The following PHACTR3 variants were observed in gnomAD, a reference collection of about 807,000 sequenced individuals.
PHACTR3 encodes protein phosphatase 1, regulatory subunit 123.
A neutral mutation model predicts 66.8 loss-of-function variants in PHACTR3; 16 were observed. The ratio of observed to expected loss-of-function variants is 0.24; its 90% CI spans 0.16 to 0.36. The LOEUF (loss-of-function observed/expected upper bound fraction) is 0.36. Among genes scored for constraint, PHACTR3 ranks in the 10% least tolerant of loss-of-function variants. The pLI, the probability that PHACTR3 is intolerant of heterozygous loss-of-function variation, is 1.00. For synonymous variants in PHACTR3, 323 were observed against 292.1 expected (o/e 1.11, Z -1.08); for missense variants, 647 against 719.9 (o/e 0.90, Z 1.16).
intron 3 of PHACTR3, among the ~76,000 whole-genome samples, chr20:59,750,481 G>A (rs1348225196): frequency 6.6e-6 from 1 of 152,184 alleles, no homozygotes; most frequent in Non-Finnish European, 1.5e-5. Context: ...CCAGCCCACA[G>A]GAGCAGCAAG....
chr20:59,740,319 T>A (rs2039108008), intron 1 of PHACTR3, among the ~76,000 whole-genome samples: 1 of 152,154 alleles, frequency 6.6e-6, no homozygotes, highest in East Asian at 1.9e-4. Context: ...ATTTTAATTT[T>A]TTTTTAGAGA....
intron 1 of PHACTR3, among the ~76,000 whole-genome samples, chr20:59,630,460 G>A (rs1254933150): frequency 6.6e-6 from 1 of 152,222 alleles, no homozygotes; most frequent in Non-Finnish European, 1.5e-5. Flanking sequence ...TGGGATTACA[G>A]GCTTGAGCCA....
chr20:59,812,047 G>A (rs1443847291), intron 8 of PHACTR3, among the ~76,000 whole-genome samples: 1 of 152,256 alleles, frequency 6.6e-6, no homozygotes, highest in Non-Finnish European at 1.5e-5. Context: ...CCAGCAGCAG[G>A]CCTTGTGGCA....
At chr20:59,741,103 C>T (rs1601236498) in intron 1 of PHACTR3, among the ~76,000 whole-genome samples, 5 of 152,360 alleles carry the variant, frequency 3.3e-5, no homozygotes, top group South Asian at 2.1e-4. Context: ...ACAAAGGTGA[C>T]CTCCTTCCTC....
Position 59,830,090 on chromosome 20 carries a change from G to A in PHACTR3, c.1329-6415G>A, listed in dbSNP as rs1244172622. On this transcript the variant is annotated intron_variant, in intron 8 of 12. Transcript: ENST00000371015. The surrounding 1 kb of genome is among the most constrained non-coding windows in gnomAD (Gnocchi z 5.8). ...CAGAAACTGGTACAAACTTGGCACT[G>A]AGACGGCGTCTGATGGGAGAAGAGG... is the stretch of plus-strand genomic sequence containing the variant. 6.6e-6 allele frequency among the ~76,000 whole-genome samples: 1 copy of A among 152,204 alleles called. No individual in the cohort carries two copies. The highest frequency in any genetic ancestry group is 1.5e-5 in the Non-Finnish European group (1 of 68,048).
At chr20:59,631,272 G>C (rs541651223) in intron 1 of PHACTR3, among the ~76,000 whole-genome samples, 1 of 152,330 alleles carries the variant, frequency 6.6e-6, no homozygotes, top group African/African-American at 2.4e-5. Context: ...ATGTCACTGG[G>C]AGTCTGGTTA....
intron 1 of PHACTR3, among the ~76,000 whole-genome samples, chr20:59,672,303 T>C: frequency 6.6e-6 from 1 of 152,264 alleles, no homozygotes; most frequent in Non-Finnish European, 1.5e-5. Flanking sequence ...GTCCCAATGC[T>C]GCACTTGCCC....
At chr20:59,629,948 G>A (rs545844518) in intron 1 of PHACTR3, among the ~76,000 whole-genome samples, 1 of 152,188 alleles carries the variant, frequency 6.6e-6, no homozygotes, top group East Asian at 1.9e-4. Context: ...CAGCCAAGGG[G>A]GTTCCATGCA....
intron 1 of PHACTR3, among the ~76,000 whole-genome samples, chr20:59,726,452 G>A (rs768798426): frequency 6.6e-6 from 1 of 152,138 alleles, no homozygotes; most frequent in Non-Finnish European, 1.5e-5. Context: ...TCGCCACCAG[G>A]TCAAGCCAGA....
At chr20:59,751,104 G>T (rs956381578) in intron 3 of PHACTR3, among the ~76,000 whole-genome samples, 1 of 152,238 alleles carries the variant, frequency 6.6e-6, no homozygotes, top group African/African-American at 2.4e-5. Flanking sequence ...CTGTTGCTCT[G>T]GGGTAGGCAC....
chr20:59,810,254 C>T (rs186500433), intron 8 of PHACTR3, among the ~76,000 whole-genome samples: 6 of 152,196 alleles, frequency 3.9e-5, no homozygotes, highest in African/African-American at 1.4e-4. Flanking sequence ...CAAACGCCCC[C>T]CTATGTAAGA....
intron 1 of PHACTR3, among the ~76,000 whole-genome samples, chr20:59,632,372 C>T (rs754624493): frequency 1.3e-5 from 2 of 152,152 alleles, no homozygotes; most frequent in Non-Finnish European, 2.9e-5. Flanking sequence ...CAGATGGGCT[C>T]ATGACTCAGG....
At chr20:59,751,672 T>C (rs1031485763) in intron 3 of PHACTR3, among the ~76,000 whole-genome samples, 1 of 152,082 alleles carries the variant, frequency 6.6e-6, no homozygotes, top group African/African-American at 2.4e-5. Context: ...TATGAACCAC[T>C]GTGACCCCCT....
intron 12 of PHACTR3, 103 bp from the exon 13 acceptor site, chr20:59,847,012 G>T: frequency 1.3e-6 from 1 of 793,128 alleles, no homozygotes; most frequent in Non-Finnish European, 2.1e-6. Flanking sequence ...GGACTTCTGA[G>T]AATCTTTTTA....
chr20:59,706,520 A>G (rs2037706095), intron 1 of PHACTR3, among the ~76,000 whole-genome samples: 1 of 152,218 alleles, frequency 6.6e-6, no homozygotes, highest in African/African-American at 2.4e-5. Context: ...CCCACCACCC[A>G]GAGAACAGAC....
intron 4 of PHACTR3, among the ~76,000 whole-genome samples, chr20:59,759,843 C>T (rs911736739): frequency 8.5e-5 from 13 of 152,188 alleles, no homozygotes; most frequent in Admixed American, 5.2e-4. Flanking sequence ...GCCAGATCCT[C>T]AAGTGGCAAA....
chr20:59,595,945 A>G (rs1449924729), intron 1 of PHACTR3, among the ~76,000 whole-genome samples: 1 of 152,190 alleles, frequency 6.6e-6, no homozygotes, highest in Non-Finnish European at 1.5e-5. Context: ...AAAAGTGCAC[A>G]TACCATAAAC....
At chr20:59,737,988 T>G (rs2039014201) in intron 1 of PHACTR3, among the ~76,000 whole-genome samples, 1 of 152,014 alleles carries the variant, frequency 6.6e-6, no homozygotes, top group East Asian at 1.9e-4. Context: ...CTCCAGCCAC[T>G]AGGGCAGAAG....
intron 4 of PHACTR3, among the ~76,000 whole-genome samples, chr20:59,756,758 G>A (rs2039809768): frequency 6.6e-6 from 1 of 152,002 alleles, no homozygotes; most frequent in Non-Finnish European, 1.5e-5. Context: ...GTGCCACGTT[G>A]GTGTGCTGCA....
Sources: gnomAD v4.1 joint callset for allele counts (sites outside exome capture counted in the v4.1 genomes callset) on GRCh38, gnomAD v4.1.1 for gene constraint, Gnocchi (gnomAD v3.1) non-coding constraint, MANE v1.5 for transcripts, NCBI Gene and HGNC (gene_info 2026-07-23, HGNC 2026-07-21) for gene names.